Variants in NDE1 observed in about 807,000 individuals in gnomAD.
NDE1 encodes nuclear distribution protein nudE homolog 1.
In NDE1, 28 loss-of-function variants were observed where a neutral mutation model predicts 43.4. The ratio of observed to expected loss-of-function variants is 0.65; its 90% CI spans 0.48 to 0.89. The LOEUF (loss-of-function observed/expected upper bound fraction) is 0.89, where lower values mean the gene tolerates loss of function less well. Among genes scored for constraint, NDE1 ranks in the 40% least tolerant of loss-of-function variants. The probability of loss-of-function intolerance (pLI) is 0.00; values close to 1 mark genes in which losing one functional copy is unlikely to be tolerated. For synonymous variants in NDE1, 184 were observed against 172.0 expected, an observed-to-expected ratio of 1.07 and a Z score of -0.55; for missense variants, 441 against 434.1, an observed-to-expected ratio of 1.02 and a Z score of -0.14.
intron 5 of NDE1, among the ~76,000 whole-genome samples, chr16:15,690,188 G>A (rs1425302060): frequency 6.6e-6 from 1 of 151,708 alleles, no homozygotes; most frequent in Non-Finnish European, 1.5e-5. Context: ...GGGACTACAG[G>A]CGCTCACCAC....
chr16:15,690,039 A>G (rs1362004753), intron 5 of NDE1, among the ~76,000 whole-genome samples: 1 of 151,834 alleles, frequency 6.6e-6, no homozygotes, highest in East Asian at 1.9e-4. Context: ...GATAGTCTGG[A>G]AAGCATACTT....
Position 15,724,740 on chromosome 16 carries a change from C to T in NDE1, c.*489C>T. ...CTTGCAGGCTGTTCCGCTCCTCCTC[C>T]AGCTGGCGCAGCTTCGTAGACACGT... On this transcript the variant is annotated 3_prime_UTR_variant, in exon 9 of 9. Coordinates refer to ENST00000396354, the MANE Select transcript of NDE1 (RefSeq NM_017668.3). 1 of 1,614,200 alleles carries T rather than the reference C, an allele frequency of 6.2e-7. No homozygotes were observed. The highest frequency in any genetic ancestry group is 8.5e-7 in the Non-Finnish European group (1 of 1,180,032).
At chr16:15,716,011 C>T (rs1276297712) in intron 8 of NDE1, among the ~76,000 whole-genome samples, 2 of 152,060 alleles carry the variant, frequency 1.3e-5, no homozygotes, top group Non-Finnish European at 2.9e-5. Flanking sequence ...CCTGTAGTCC[C>T]AGCTACTTGG....
intron 5 of NDE1, among the ~76,000 whole-genome samples, chr16:15,690,712 C>T (rs1376454508): frequency 1.3e-5 from 2 of 152,056 alleles, no homozygotes; most frequent in Non-Finnish European, 2.9e-5. Flanking sequence ...GGGGTTTCTA[C>T]CTGGAGTGTT....
intron 5 of NDE1, among the ~76,000 whole-genome samples, chr16:15,690,769 C>G (rs2038710228): frequency 6.6e-6 from 1 of 151,984 alleles, no homozygotes; most frequent in African/African-American, 2.4e-5. Context: ...TGTTGAACCT[C>G]TCTCCCTGCA....
chr16:15,719,642 G>C (rs988154531), intron 8 of NDE1: 1 of 1,614,030 alleles, frequency 6.2e-7, no homozygotes, highest in African/African-American at 1.3e-5. Context: ...CATTCTCTTT[G>C]GCTGTGGCAA....
chr16:15,718,743 C>G, intron 8 of NDE1: 1 of 498,492 alleles, frequency 2.0e-6, no homozygotes, highest in Admixed American at 3.3e-5. Context: ...CAGCCACACC[C>G]CCAAACAGGC....
chr16:15,683,512 A>C (rs2038287182), intron 4 of NDE1: 1 of 151,740 alleles, frequency 6.6e-6, no homozygotes, highest in Non-Finnish European at 1.5e-5. Flanking sequence ...GAACCGGCTA[A>C]TTTTTTTGTA....
At chr16:15,702,401 G>C (rs770793206) in intron 8 of NDE1, among the ~76,000 whole-genome samples, 10 of 152,104 alleles carry the variant, frequency 6.6e-5, no homozygotes, top group Admixed American at 1.3e-4. Flanking sequence ...GGGTGGTGGT[G>C]GTGGTGTGAG....
At chr16:15,667,562 T>G in intron 3 of NDE1, 123 bp downstream of exon 3, 7 of 1,190,062 alleles carry the variant, frequency 5.9e-6, no homozygotes, top group East Asian at 2.6e-5. Context: ...TGCTCATCTC[T>G]GGAAGGGCCT....
In NDE1 at chr16:15,718,298, G is replaced by A. The variant is rs771046603; in HGVS notation, c.948-5893G>A. 1.1e-5 allele frequency: 17 copies of A among 1,607,818 alleles called. No homozygotes were observed. In the East Asian group the frequency reaches 2.7e-4, roughly 25 times the overall value. On this transcript the variant is annotated intron_variant, in intron 8 of 8. Coordinates refer to ENST00000396354, the MANE Select transcript of NDE1 (RefSeq NM_017668.3). ...AGACAGTAGGCAGCGTGACTGTGGTGTCCAGGCGGCCCTCACCTGCTGTGT... is the reference window on the plus strand; with the variant it reads ...AGACAGTAGGCAGCGTGACTGTGGTATCCAGGCGGCCCTCACCTGCTGTGT...
intron 5 of NDE1, among the ~76,000 whole-genome samples, chr16:15,690,084 A>G (rs1024348229): frequency 3.3e-5 from 5 of 152,206 alleles, no homozygotes; most frequent in East Asian, 3.9e-4. Flanking sequence ...TCTGTCACAC[A>G]GGCTGGAGTG....
intron 5 of NDE1, among the ~76,000 whole-genome samples, chr16:15,689,904 A>G (rs1438391912): frequency 6.8e-6 from 1 of 148,100 alleles, no homozygotes; most frequent in Non-Finnish European, 1.5e-5. Context: ...GTGCCACTGC[A>G]CTTAAGCCCG....
chr16:15,692,584 A>AT (rs1320666582), intron 6 of NDE1, among the ~76,000 whole-genome samples: 1 of 150,638 alleles, frequency 6.6e-6, no homozygotes, highest in Admixed American at 6.6e-5. Context: ...CTAATCTTGT[A>AT]TTTTTAGTAG....
rs2040631854 is a variant in NDE1, at chr16:15,724,244, C to G, written c.1001C>G (p.Ser334Cys). The G allele has an allele frequency of 1.2e-6, 2 of 1,614,200 alleles. No homozygotes were observed. Among genetic ancestry groups the G allele is most frequent in the Non-Finnish European group, 1.7e-6 (2 of 1,180,042 alleles). The change falls in exon 9 of 9, where the codon TCC (serine) becomes TGC (cysteine). Residue 334 changes from serine to cysteine, a missense_variant. Coordinates refer to ENST00000396354, the MANE Select transcript of NDE1 (RefSeq NM_017668.3). ...AAATCAACAACCAGGTCGTCCAGCTCCTGCTGAAGCCTGTTCTTGGTCTTT... is the reference window on the plus strand; with the variant it reads ...AAATCAACAACCAGGTCGTCCAGCTGCTGCTGAAGCCTGTTCTTGGTCTTT... Reference protein sequence around the residue: ...LSKSTTRSSSSC With the variant: ...LSKSTTRSSSCC
intron 8 of NDE1, among the ~76,000 whole-genome samples, chr16:15,700,988 G>A (rs1567664841): frequency 1.3e-5 from 2 of 152,076 alleles, no homozygotes; most frequent in African/African-American, 2.4e-5. Flanking sequence ...GTAATCCTAA[G>A]ACTTTGGAAG....
chr16:15,720,803 C>CCCAAAAAA, intron 8 of NDE1: 2 of 1,603,794 alleles, frequency 1.2e-6, no homozygotes, highest in Non-Finnish European at 1.7e-6. Context: ...AAAGGCCACC[C>CCCAAAAAA]GACCTCCCTC....
chr16:15,713,943 CAG>C (rs1203217131), intron 8 of NDE1: 1 of 152,284 alleles, frequency 6.6e-6, no homozygotes, highest in African/African-American at 2.4e-5. Flanking sequence ...CCGTTGGGGA[CAG>C]AGCCAAAGAA....
At chr16:15,700,716 G>A (rs766242576) in intron 8 of NDE1, among the ~76,000 whole-genome samples, 4 of 152,014 alleles carry the variant, frequency 2.6e-5, no homozygotes, top group Non-Finnish European at 4.4e-5. Flanking sequence ...CTCCCAGAGT[G>A]CTGGAATTAC....
Sources: allele counts gnomAD v4.1 joint callset (sites outside exome capture counted in the v4.1 genomes callset), GRCh38; gene constraint gnomAD v4.1.1; transcripts MANE v1.5; gene names NCBI Gene and HGNC (gene_info 2026-07-23, HGNC 2026-07-21).